The following CD86 variants were observed in gnomAD, a reference collection of about 807,000 sequenced individuals.
The protein encoded by CD86 is T-lymphocyte activation antigen CD86.
A neutral mutation model predicts 32.1 loss-of-function variants in CD86; 11 were observed. That is an observed-to-expected ratio of 0.34 (90% CI 0.22 to 0.57). The LOEUF is 0.57. CD86 is among the 20% of genes least tolerant of loss of function. The pLI, the probability that CD86 is intolerant of heterozygous loss-of-function variation, is 0.86. For missense variants in CD86, 359 were observed against 398.4 expected, an observed-to-expected ratio of 0.90 and a Z score of 0.84; for synonymous variants, 137 against 135.3, an observed-to-expected ratio of 1.01 and a Z score of -0.09.
At chr3:122,067,060 CT>C (rs1266517068) in intron 1 of CD86, among the ~76,000 whole-genome samples, 1 of 151,836 alleles carries the variant, frequency 6.6e-6, no homozygotes, top group Non-Finnish European at 1.5e-5. Context: ...TTCAAAGGTT[CT>C]AGGGGTGGGG....
At chr3:122,096,050 T>A (rs1393822031) in intron 2 of CD86, among the ~76,000 whole-genome samples, 2 of 152,154 alleles carry the variant, frequency 1.3e-5, no homozygotes, top group Non-Finnish European at 2.9e-5. Flanking sequence ...TGTAACCTGG[T>A]ATTTTGTCCC....
At chr3:122,106,079 C>A in intron 3 of CD86, 119 bp from the exon 4 acceptor site, 5 of 699,768 alleles carry the variant, frequency 7.1e-6, no homozygotes, top group Non-Finnish European at 1.2e-5. Context: ...ATTTTAGACA[C>A]CCTGAGGCTC....
intron 4 of CD86, among the ~76,000 whole-genome samples, chr3:122,107,014 T>A (rs1559912148): frequency 6.6e-6 from 1 of 152,092 alleles, no homozygotes; most frequent in African/African-American, 2.4e-5. Flanking sequence ...AACCCTGTAA[T>A]GTGCACACAT....
At chr3:122,097,877 T>C (rs1338646325) in intron 2 of CD86, among the ~76,000 whole-genome samples, 4 of 152,146 alleles carry the variant, frequency 2.6e-5, no homozygotes, top group Admixed American at 2.0e-4. Context: ...CAGAGGTGCC[T>C]GAAGACCTCA....
chr3:122,090,630 C>T (rs2072801028), intron 1 of CD86, among the ~76,000 whole-genome samples: 1 of 151,266 alleles, frequency 6.6e-6, no homozygotes, highest in Admixed American at 6.6e-5. Context: ...CTGTGTATGG[C>T]CATACCATCC....
chr3:122,119,463 T>G lies in CD86; in HGVS notation c.919T>G (p.Ser307Ala), dbSNP rs376063335. ...AGAAAAAATCCATATACCTGAAAGATCTGATGAAGCCCAGCGTGTTTTTAA... is the reference window on the plus strand; with the variant it reads ...AGAAAAAATCCATATACCTGAAAGAGCTGATGAAGCCCAGCGTGTTTTTAA... ...KREKIHIPER[S>A]DEAQRVFKSS... The change falls in exon 7 of 7, where the codon TCT (serine) becomes GCT (alanine). Residue 307 changes from serine (S) to alanine (A), a missense_variant. Physicochemically the swap from Ser to Ala is moderately conservative, Grantham distance 99. Transcript: ENST00000330540. 4.4e-6 allele frequency: 7 copies of G among 1,609,184 alleles called. No individual in the cohort carries two copies. The African/African-American group carries it at 5.3e-5, about 12-fold the overall frequency.
At chr3:122,074,275 C>T (rs985915927) in intron 1 of CD86, among the ~76,000 whole-genome samples, 2 of 152,124 alleles carry the variant, frequency 1.3e-5, no homozygotes, top group Non-Finnish European at 2.9e-5. Flanking sequence ...GACAACCATC[C>T]CCTGCCCTCC....
In CD86 at chr3:122,119,734, T is replaced by C. The variant is rs2073314397; in HGVS notation, c.*200T>C. On this transcript the variant is annotated 3_prime_UTR_variant, in exon 7 of 7. Transcript: ENST00000330540. ...ATGCCAAGAGGAGACTTTAATTCTC[T>C]TACTGCTTCTTTTCACTTCAGAGCA... The C allele has an allele frequency of 5.8e-6, 3 of 520,274 alleles. No homozygotes were observed. The highest frequency in any genetic ancestry group is 6.8e-6 in the Non-Finnish European group (2 of 296,266). The allele number at this position is 520,274 out of a possible 1,614,324, so 32.2% of individuals were successfully genotyped here.
intron 1 of CD86, among the ~76,000 whole-genome samples, chr3:122,082,740 T>C (rs182773486): frequency 1.8e-4 from 27 of 152,382 alleles, no homozygotes; most frequent in African/African-American, 6.5e-4. Flanking sequence ...AGATTCATCA[T>C]GTTAGTATTA....
At chr3:122,098,896 G>A (rs1243625072) in intron 2 of CD86, among the ~76,000 whole-genome samples, 2 of 152,204 alleles carry the variant, frequency 1.3e-5, no homozygotes, top group East Asian at 3.9e-4. Context: ...CCAGACAGGG[G>A]AGCATTCCTT....
intron 1 of CD86, among the ~76,000 whole-genome samples, chr3:122,077,225 G>A (rs1419209507): frequency 6.6e-6 from 1 of 152,166 alleles, no homozygotes; most frequent in South Asian, 2.1e-4. Flanking sequence ...GATCACATAC[G>A]AGTGAAACCT....
intron 6 of CD86, 50 bp downstream of exon 6, chr3:122,118,143 G>A: frequency 6.7e-7 from 1 of 1,488,720 alleles, no homozygotes; most frequent in Non-Finnish European, 9.4e-7. Context: ...AATCCCCAGA[G>A]TGCCTGTTAC....
At chr3:122,086,382 C>T (rs2072720215) in intron 1 of CD86, among the ~76,000 whole-genome samples, 2 of 152,206 alleles carry the variant, frequency 1.3e-5, no homozygotes, top group African/African-American at 2.4e-5. Flanking sequence ...CTGCACTCCC[C>T]TGTCCCACCC....
At chr3:122,074,882 C>A (rs1390400128) in intron 1 of CD86, among the ~76,000 whole-genome samples, 3 of 152,154 alleles carry the variant, frequency 2.0e-5, no homozygotes, top group African/African-American at 7.2e-5. Flanking sequence ...ACCTCAGCAA[C>A]TTCCTCCTCA....
chr3:122,065,877 G>C (rs756916821), intron 1 of CD86, among the ~76,000 whole-genome samples: 4 of 151,934 alleles, frequency 2.6e-5, no homozygotes, highest in Non-Finnish European at 5.9e-5. Context: ...AAACTTGACT[G>C]GGGGCTCAAT....
chr3:122,114,956 C>A (rs1045794208), intron 5 of CD86, among the ~76,000 whole-genome samples: 1 of 152,060 alleles, frequency 6.6e-6, no homozygotes, highest in Non-Finnish European at 1.5e-5. Context: ...CTTAAGATGG[C>A]GAATGTGGGG....
At chr3:122,108,080 C>A (rs1018073377) in intron 4 of CD86, among the ~76,000 whole-genome samples, 2 of 152,232 alleles carry the variant, frequency 1.3e-5, no homozygotes, top group Non-Finnish European at 2.9e-5. Context: ...CCATAGTCTA[C>A]AAATTAACAG....
chr3:122,078,716 G>A (rs1469528502), intron 1 of CD86, among the ~76,000 whole-genome samples: 1 of 152,164 alleles, frequency 6.6e-6, no homozygotes, highest in Non-Finnish European at 1.5e-5. Context: ...ATTTGCAAAC[G>A]GGCTTAAAAT....
intron 1 of CD86, among the ~76,000 whole-genome samples, chr3:122,068,024 C>T (rs1459645213): frequency 1.3e-5 from 2 of 152,088 alleles, no homozygotes; most frequent in Non-Finnish European, 2.9e-5. Flanking sequence ...TTGCTTTGGT[C>T]ACAAAGTTGC....
Sources: allele counts gnomAD v4.1 joint callset (sites outside exome capture counted in the v4.1 genomes callset), GRCh38; gene constraint gnomAD v4.1.1; transcripts MANE v1.5; gene names NCBI Gene and HGNC (gene_info 2026-07-23, HGNC 2026-07-21).